Variants in SLC19A1 observed in about 807,000 individuals in gnomAD.
SLC19A1 encodes the protein solute carrier family 19 member 1.
Under a neutral mutation model 35.3 loss-of-function variants are expected in SLC19A1, and 37 were observed. That is an observed-to-expected ratio of 1.05 (90% CI 0.81 to 1.38). The LOEUF (loss-of-function observed/expected upper bound fraction) is 1.38, where lower values mean the gene tolerates loss of function less well. SLC19A1 is among the 40% of genes most tolerant of loss of function. The pLI is 0.00. For synonymous variants in SLC19A1, 460 were observed against 398.5 expected (o/e 1.15, Z -1.84); for missense variants, 831 against 826.9 (o/e 1.00, Z -0.06).
rs1158475055 is a variant in SLC19A1, at chr21:45,514,734, T to C, written c.*924A>G. ...CGCACACTCACTTAAGTGTGTTTAATGTATGTGGGAAGAGTATTCACATCA... is the reference window on the plus strand; with the variant it reads ...CGCACACTCACTTAAGTGTGTTTAACGTATGTGGGAAGAGTATTCACATCA... On this transcript the variant is annotated 3_prime_UTR_variant, in exon 6 of 6. Coordinates refer to ENST00000311124, the MANE Select transcript of SLC19A1 (RefSeq NM_194255.4). The C allele has an allele frequency of 4.5e-6, 2 of 442,548 alleles. No homozygotes were observed. Among genetic ancestry groups the C allele is most frequent in the South Asian group, 4.4e-5 (1 of 22,496 alleles). The allele number at this position is 442,548 out of a possible 1,614,324, so 27.4% of individuals were successfully genotyped here. A position where few individuals can be genotyped will look rare whatever the true frequency, so the allele number is the denominator to read the frequency against.
At chr21:45,562,129 C>CAAAAAAAAAA (rs34594751) in intron 1 of SLC19A1, among the ~76,000 whole-genome samples, 1 of 121,620 alleles carries the variant, frequency 8.2e-6, no homozygotes, top group African/African-American at 3.2e-5. Context: ...GACTCTGTCT[C>CAAAAAAAAAA]AAAAAAAAAA....
Position 45,531,996 on chromosome 21 carries a change from G to C in SLC19A1, c.342C>G (p.His114Gln). The change falls in exon 3 of 6, where the codon CAC (histidine) becomes CAG (glutamine). Residue 114 changes from histidine (H) to glutamine (Q), a missense_variant. His to Gln is a conservative substitution (Grantham distance 24). Coordinates refer to ENST00000311124, the MANE Select transcript of SLC19A1 (RefSeq NM_194255.4). ...CCATGAGCTGCATGTGCGCCACCGA[G>C]TGGCCCAGCAGCAGCAGCAGCCACA... ...VSVWLLLLLG[H>Q]SVAHMQLMEL... 1 of 1,610,648 alleles carries C rather than the reference G, an allele frequency of 6.2e-7. No individual in the cohort carries two copies. Among genetic ancestry groups the C allele is most frequent in the Non-Finnish European group, 8.5e-7 (1 of 1,179,720 alleles).
chr21:45,519,883 A>G (rs984413890), intron 5 of SLC19A1, among the ~76,000 whole-genome samples: 1 of 152,224 alleles, frequency 6.6e-6, no homozygotes, highest in Non-Finnish European at 1.5e-5. Flanking sequence ...CAGCATTTAC[A>G]GAACACTCCA....
At chr21:45,508,048 G>A (rs1383334962), downstream of SLC19A1, among the ~76,000 whole-genome samples, 1 of 151,474 alleles carries the variant, frequency 6.6e-6, no homozygotes, top group Non-Finnish European at 1.5e-5. Flanking sequence ...TACGTAGGTA[G>A]ATGGGGAGGT....
intron 5 of SLC19A1, among the ~76,000 whole-genome samples, chr21:45,523,370 G>C (rs933322590): frequency 3.3e-5 from 5 of 152,154 alleles, no homozygotes; most frequent in Non-Finnish European, 5.9e-5. Flanking sequence ...TGTGACAAGA[G>C]GCAGCCAGGA....
chr21:45,556,600 G>C (rs937330318), intron 1 of SLC19A1, among the ~76,000 whole-genome samples: 1 of 152,224 alleles, frequency 6.6e-6, no homozygotes, highest in Non-Finnish European at 1.5e-5. Flanking sequence ...TCAAAACACC[G>C]TGCAGACGAA....
intron 1 of SLC19A1, among the ~76,000 whole-genome samples, chr21:45,549,838 G>A (rs2078448771): frequency 6.6e-6 from 1 of 151,234 alleles, no homozygotes; most frequent in Non-Finnish European, 1.5e-5. Context: ...GGGGACAGCT[G>A]GGCGCACACT....
intron 5 of SLC19A1, among the ~76,000 whole-genome samples, chr21:45,519,570 CAAAAAAAAAAAAAA>C (rs57639933): frequency 3.3e-4 from 19 of 57,232 alleles, no homozygotes; most frequent in Admixed American, 1.0e-3. Flanking sequence ...AACTTCTGAG[CAAAAAAAAAAAAAA>C]AAAAAAAAAA....
downstream of SLC19A1, among the ~76,000 whole-genome samples, chr21:45,509,858 G>T (rs2146124135): frequency 6.6e-6 from 1 of 152,318 alleles, no homozygotes; most frequent in South Asian, 2.1e-4. Context: ...GGCAGCTGGG[G>T]GCACCCACGT....
intron 4 of SLC19A1, among the ~76,000 whole-genome samples, chr21:45,528,096 G>T (rs1255936557): frequency 6.6e-6 from 1 of 151,744 alleles, no homozygotes; most frequent in Non-Finnish European, 1.5e-5. Flanking sequence ...GTGGAGGCTC[G>T]GGGGCAGGCA....
chr21:45,530,231 CGT>C lies in SLC19A1; in HGVS notation c.1151+537_1151+538del, dbSNP rs71808010. On this transcript the variant is annotated intron_variant, in intron 4 of 5. Transcript: ENST00000311124. This position sits in a 1 kb window ranked among gnomAD's most constrained non-coding sequence, Gnocchi z 5.3. ...TCCATGTGTGAACATGGTGTGTGTC[CGT>C]GTGTGTGGTGTGTTCATGTGCGATA... Among the ~76,000 whole-genome samples, 2,488 of 147,564 alleles carry C rather than the reference CGT, an allele frequency of 0.017. 53 individuals carry two copies. The highest frequency in any genetic ancestry group is 0.051 in the African/African-American group (2,037 of 39,710).
In SLC19A1 at chr21:45,520,961, G is replaced by A. The variant is rs143776922; in HGVS notation, c.1294-4821C>T. Among the ~76,000 whole-genome samples, 811 of 151,634 alleles carry A rather than the reference G, an allele frequency of 5.3e-3. 4 individuals carry two copies. The highest frequency in any genetic ancestry group is 0.023 in the South Asian group (111 of 4,784). On this transcript the variant is annotated intron_variant, in intron 5 of 5. Coordinates refer to ENST00000311124, the MANE Select transcript of SLC19A1 (RefSeq NM_194255.4). ...CTTGAACCCAGGAGGAGGAGGTTGC[G>A]GTGAGCTGAGATTGCGCCATTGCAC...
At chr21:45,507,283 G>C (rs568550097) in intron 3 of SLC19A1, 6 of 565,414 alleles carry the variant, frequency 1.1e-5, no homozygotes, top group Middle Eastern at 4.7e-4. Flanking sequence ...TGTGGACTGG[G>C]AGGGCCGGGT....
chr21:45,510,072 G>C (rs2037486544), downstream of SLC19A1: 1 of 1,571,870 alleles, frequency 6.4e-7, no homozygotes, highest in Non-Finnish European at 8.6e-7. Context: ...AGCTCCACCT[G>C]GTTGCGCTCA....
chr21:45,548,270 A>G (rs1031407909), upstream of SLC19A1, among the ~76,000 whole-genome samples: 6 of 152,206 alleles, frequency 3.9e-5, no homozygotes, highest in African/African-American at 1.4e-4. Context: ...CTAATTTGAG[A>G]CCCAAACTAA....
chr21:45,504,540 G>T, intron 3 of SLC19A1: 1 of 1,579,234 alleles, frequency 6.3e-7, no homozygotes, highest in Non-Finnish European at 8.6e-7. Context: ...GGCCCACGTG[G>T]CTACCCTGGG....
At chr21:45,508,741 A>C (rs1285810415), downstream of SLC19A1, among the ~76,000 whole-genome samples, 1 of 152,134 alleles carries the variant, frequency 6.6e-6, no homozygotes, top group African/African-American at 2.4e-5. Context: ...TCATTCAGCC[A>C]GTCAATAGTC....
chr21:45,503,939 T>C, intron 3 of SLC19A1: 1 of 1,570,502 alleles, frequency 6.4e-7, no homozygotes, highest in Non-Finnish European at 8.8e-7. Context: ...CCACCAGTGC[T>C]GGGGGCTGCA....
chr21:45,556,893 G>C (rs1259866019), intron 1 of SLC19A1, among the ~76,000 whole-genome samples: 1 of 150,986 alleles, frequency 6.6e-6, no homozygotes, highest in Admixed American at 6.6e-5. Context: ...CTCCTGGGAC[G>C]GCGACTCAGA....
Sources: gnomAD v4.1 joint callset for allele counts (sites outside exome capture counted in the v4.1 genomes callset) on GRCh38, gnomAD v4.1.1 for gene constraint, Gnocchi (gnomAD v3.1) non-coding constraint, MANE v1.5 for transcripts, NCBI Gene and HGNC (gene_info 2026-07-23, HGNC 2026-07-21) for gene names.